Variants in SLC8A1 observed in about 807,000 individuals in gnomAD.
The protein encoded by SLC8A1 is sodium/calcium exchanger 1.
In SLC8A1, 18 loss-of-function variants were observed where a neutral mutation model predicts 68.3. That is an observed-to-expected ratio of 0.26 (90% CI 0.18 to 0.39). The LOEUF is 0.39. Among genes scored for constraint, SLC8A1 ranks in the 10% least tolerant of loss-of-function variants. The probability of loss-of-function intolerance (pLI) is 1.00; values close to 1 mark genes in which losing one functional copy is unlikely to be tolerated. For synonymous variants in SLC8A1, 475 were observed against 415.5 expected, an observed-to-expected ratio of 1.14 and a Z score of -1.74; for missense variants, 985 against 1,156.7, an observed-to-expected ratio of 0.85 and a Z score of 2.15.
chr2:40,491,600 A>G (rs996055232), intron 1 of SLC8A1, among the ~76,000 whole-genome samples: 2 of 152,154 alleles, frequency 1.3e-5, no homozygotes, highest in African/African-American at 4.8e-5. Flanking sequence ...TTGCCTATTC[A>G]GTATGATATT....
At chr2:40,331,636 C>T (rs1440626847) in intron 2 of SLC8A1, among the ~76,000 whole-genome samples, 2 of 151,932 alleles carry the variant, frequency 1.3e-5, no homozygotes, top group Non-Finnish European at 2.9e-5. Context: ...CTCTGTCGCC[C>T]AGGCTAGGGT....
At chr2:40,440,287 T>C (rs954632571) in intron 1 of SLC8A1, among the ~76,000 whole-genome samples, 3 of 152,148 alleles carry the variant, frequency 2.0e-5, no homozygotes, top group African/African-American at 7.2e-5. Context: ...AGGATTATAA[T>C]AGATGTGAAT....
intron 2 of SLC8A1, among the ~76,000 whole-genome samples, chr2:40,382,376 G>A (rs750548698): frequency 7.1e-6 from 1 of 139,994 alleles, no homozygotes; most frequent in Non-Finnish European, 1.5e-5. Flanking sequence ...TGGTAGAACT[G>A]CACATTTGCC....
intron 2 of SLC8A1, among the ~76,000 whole-genome samples, chr2:40,307,314 T>C (rs182558305): frequency 2.0e-5 from 3 of 152,240 alleles, no homozygotes; most frequent in Non-Finnish European, 2.9e-5. Context: ...GCAAGTATGA[T>C]TGCATGATAT....
At chr2:40,362,944 T>A (rs1165995444) in intron 2 of SLC8A1, among the ~76,000 whole-genome samples, 1 of 152,116 alleles carries the variant, frequency 6.6e-6, no homozygotes, top group Non-Finnish European at 1.5e-5. Context: ...ATACAGTTTA[T>A]CTAGCCCCTT....
intron 2 of SLC8A1, among the ~76,000 whole-genome samples, chr2:40,298,235 TG>T (rs2070786508): frequency 6.6e-6 from 1 of 152,166 alleles, no homozygotes; most frequent in African/African-American, 2.4e-5. Context: ...CTAATTAGTG[TG>T]GGTGATAAAA....
At chr2:40,430,531 A>C (rs968696223) in intron 1 of SLC8A1, among the ~76,000 whole-genome samples, 6 of 152,176 alleles carry the variant, frequency 3.9e-5, no homozygotes, top group African/African-American at 7.2e-5. Context: ...TTTACAACTC[A>C]ATCTTTCTGT....
intron 1 of SLC8A1, among the ~76,000 whole-genome samples, chr2:40,442,947 C>T (rs370848790): frequency 2.6e-4 from 40 of 152,258 alleles, no homozygotes; most frequent in African/African-American, 8.7e-4. Flanking sequence ...AGATCATGTC[C>T]TCTGCAGGGA....
chr2:40,333,190 G>C (rs931758818), intron 2 of SLC8A1, among the ~76,000 whole-genome samples: 1 of 152,202 alleles, frequency 6.6e-6, no homozygotes, highest in Non-Finnish European at 1.5e-5. Flanking sequence ...TATAATCCCA[G>C]CACTTTGGGA....
At chr2:40,298,188 T>G (rs540323771) in intron 2 of SLC8A1, among the ~76,000 whole-genome samples, 3 of 152,236 alleles carry the variant, frequency 2.0e-5, no homozygotes, top group African/African-American at 7.2e-5. Context: ...GGTCTGTACA[T>G]CCTAAAAAAC....
chr2:40,243,215 G>A (rs1257582039), intron 2 of SLC8A1, among the ~76,000 whole-genome samples: 1 of 152,104 alleles, frequency 6.6e-6, no homozygotes, highest in Non-Finnish European at 1.5e-5. Context: ...GAAAATAAAG[G>A]CCAGGCGTGT....
At chr2:40,159,540 A>G (rs1573356517) in intron 6 of SLC8A1, among the ~76,000 whole-genome samples, 2 of 152,164 alleles carry the variant, frequency 1.3e-5, no homozygotes, top group South Asian at 4.1e-4. Flanking sequence ...GCAGTTTCTT[A>G]TTCTAGAAAT....
chr2:40,363,531 C>T (rs1464439661), intron 2 of SLC8A1, among the ~76,000 whole-genome samples: 2 of 152,014 alleles, frequency 1.3e-5, no homozygotes, highest in Non-Finnish European at 2.9e-5. Context: ...AAAACAAAAG[C>T]TATCATTATT....
At chr2:40,256,257 A>G (rs1412803348) in intron 2 of SLC8A1, among the ~76,000 whole-genome samples, 1 of 152,198 alleles carries the variant, frequency 6.6e-6, no homozygotes, top group Non-Finnish European at 1.5e-5. Flanking sequence ...ACTCTGTGGA[A>G]GAGGGTAGGA....
rs770080096 is a variant in SLC8A1, at chr2:40,139,495, G to A, written c.2343C>T (p.Phe781=). ...CAAAGTGGGAAGCCAGGTCTCCAAT[G>A]AAAGCTGTCAGTAGGCCAATCATGA... The change falls in exon 7 of 8, where the codon TTC becomes TTT. Residue 781 remains phenylalanine, a synonymous_variant. Transcript: ENST00000406785. 2 of 1,614,192 alleles carry A rather than the reference G, an allele frequency of 1.2e-6. No individual in the cohort carries two copies. Among genetic ancestry groups the A allele is most frequent in the South Asian group, 1.1e-5 (1 of 91,084 alleles).
chr2:40,183,876 A>G (rs1456483888), intron 2 of SLC8A1, among the ~76,000 whole-genome samples: 1 of 152,156 alleles, frequency 6.6e-6, no homozygotes, highest in Non-Finnish European at 1.5e-5. Flanking sequence ...AAGTTTCTGG[A>G]TAAGTGCAGT....
intron 2 of SLC8A1, among the ~76,000 whole-genome samples, chr2:40,357,077 T>C (rs766030262): frequency 6.6e-6 from 1 of 152,216 alleles, no homozygotes; most frequent in Admixed American, 6.5e-5. Context: ...AATGTAGATA[T>C]AGTAGGGTAG....
At chr2:40,329,452 C>T (rs929558442) in intron 2 of SLC8A1, among the ~76,000 whole-genome samples, 2 of 152,134 alleles carry the variant, frequency 1.3e-5, no homozygotes, top group African/African-American at 4.8e-5. Flanking sequence ...CTTCCTCTTG[C>T]TGTTTGTTAA....
At chr2:40,328,684 G>A (rs759372795) in intron 2 of SLC8A1, among the ~76,000 whole-genome samples, 24 of 152,224 alleles carry the variant, frequency 1.6e-4, no homozygotes, top group African/African-American at 3.1e-4. Context: ...ACCACAGTTC[G>A]CAAGCGTGTC....
Sources: allele counts gnomAD v4.1 joint callset (sites outside exome capture counted in the v4.1 genomes callset), GRCh38; gene constraint gnomAD v4.1.1; transcripts MANE v1.5; gene names NCBI Gene and HGNC (gene_info 2026-07-23, HGNC 2026-07-21).